ARHGEF3: variants seen among roughly 807,000 people sequenced by gnomAD.
The protein encoded by ARHGEF3 is Rho guanine nucleotide exchange factor 3.
In ARHGEF3, 28 loss-of-function variants were observed where a neutral mutation model predicts 63.2. That is an observed-to-expected ratio of 0.44 (90% CI 0.33 to 0.61). ARHGEF3 has a LOEUF of 0.61. ARHGEF3 is among the 20% of genes least tolerant of loss of function. The pLI is 0.03. For synonymous variants in ARHGEF3, 266 were observed against 254.2 expected (o/e 1.05, Z -0.44); for missense variants, 533 against 659.3 (o/e 0.81, Z 2.10).
At chr3:56,877,652 C>T (rs894246838) in intron 4 of ARHGEF3, among the ~76,000 whole-genome samples, 38 of 152,052 alleles carry the variant, frequency 2.5e-4, no homozygotes, top group African/African-American at 7.5e-4. Flanking sequence ...GGATTATAGG[C>T]CCACTATGCC....
intron 2 of ARHGEF3, among the ~76,000 whole-genome samples, chr3:57,016,916 AGTCACTGT>A (rs961671548): frequency 6.6e-6 from 1 of 151,990 alleles, no homozygotes; most frequent in African/African-American, 2.4e-5. Flanking sequence ...AAGACAAGGA[AGTCACTGT>A]GTCACTGTCT....
chr3:57,042,669 TATATATATATATATA>T (rs1704243482), intron 1 of ARHGEF3, among the ~76,000 whole-genome samples: 4 of 14,282 alleles, frequency 2.8e-4, no homozygotes, highest in African/African-American at 1.1e-3. Flanking sequence ...TATATATATA[TATATATATATATATA>T]TATATATATA....
chr3:56,932,247 AAATT>A (rs1162259034), intron 3 of ARHGEF3, among the ~76,000 whole-genome samples: 3 of 152,208 alleles, frequency 2.0e-5, no homozygotes, highest in African/African-American at 7.2e-5. Context: ...CTCAAATATA[AAATT>A]AATACATGCA....
At chr3:56,848,745 C>A (rs2039573427) in intron 4 of ARHGEF3, among the ~76,000 whole-genome samples, 1 of 152,254 alleles carries the variant, frequency 6.6e-6, no homozygotes, top group East Asian at 1.9e-4. Context: ...CGGCTCACTG[C>A]AGCCTCTGCT....
chr3:56,996,221 C>T (rs560917015), intron 2 of ARHGEF3, among the ~76,000 whole-genome samples: 101 of 152,210 alleles, frequency 6.6e-4, no homozygotes, highest in Non-Finnish European at 1.2e-3. Context: ...TGCTGAGCCA[C>T]CCTCCCTCAT....
chr3:56,818,738 C>T (rs539034333), intron 4 of ARHGEF3, among the ~76,000 whole-genome samples: 3 of 152,240 alleles, frequency 2.0e-5, no homozygotes, highest in Non-Finnish European at 2.9e-5. Flanking sequence ...TGCCATCCTA[C>T]GCGCTTGGAA....
intron 3 of ARHGEF3, among the ~76,000 whole-genome samples, chr3:56,937,806 G>A (rs1446436106): frequency 6.6e-6 from 1 of 152,186 alleles, no homozygotes; most frequent in African/African-American, 2.4e-5. Context: ...CATCTAACTT[G>A]TGCTGAGTCA....
chr3:56,782,064 C>T lies in ARHGEF3; in HGVS notation c.97-8248G>A, dbSNP rs929327788. 3.9e-5 allele frequency among the ~76,000 whole-genome samples: 6 copies of T among 152,258 alleles called. 2 individuals are homozygous for T. Among genetic ancestry groups the T allele is most frequent in the Admixed American group, 6.5e-5 (1 of 15,300 alleles). On this transcript the variant is annotated intron_variant, in intron 1 of 9. Coordinates refer to ENST00000296315, the MANE Select transcript of ARHGEF3 (RefSeq NM_019555.3). ...CTGTGGGTACAGAAAGGGGAGCTGCCTTGGAGCTTGCAAATGACTCTTCAT... is the reference window on the plus strand; with the variant it reads ...CTGTGGGTACAGAAAGGGGAGCTGCTTTGGAGCTTGCAAATGACTCTTCAT...
At chr3:57,072,444 A>T (rs960630036) in intron 1 of ARHGEF3, among the ~76,000 whole-genome samples, 68 of 51,220 alleles carry the variant, frequency 1.3e-3, no homozygotes, top group Non-Finnish European at 3.8e-3. Context: ...ATAAAGAATT[A>T]AAAAAAAAAA....
Position 56,859,700 on chromosome 3 carries a change from T to C in ARHGEF3, c.192+22592A>G, listed in dbSNP as rs1317192382. On this transcript the variant is annotated intron_variant, in intron 4 of 12. Coordinates refer to the ARHGEF3 transcript ENST00000338458. ...GGCACAAACCACCACACCAGGCTAA[T>C]TTTTTTTTTTTTTTTTAAGTTAGAG... Among the ~76,000 whole-genome samples the C allele has an allele frequency of 0.015, 7 of 478 alleles. No homozygotes were observed. In the Non-Finnish European group the frequency reaches 0.21, roughly 14 times the overall value. 0.3% of individuals were successfully genotyped at this position (478 alleles called of 152,430 possible).
At position 57,035,120 on chromosome 3, in the gene ARHGEF3, G is replaced by T. The variant is rs1703897346; in HGVS notation, c.30C>A (p.Cys10Ter). 3 of 1,548,216 alleles carry T rather than the reference G, an allele frequency of 1.9e-6. No individual in the cohort carries two copies. The African/African-American group carries it at 4.1e-5, about 21-fold the overall frequency. Residue 10 changes from cysteine (C) to a stop codon, truncating the protein, a stop_gained, in exon 2 of 13, where the codon TGC (cysteine) becomes TGA (stop). Transcript: ENST00000338458. LOFTEE classifies it high-confidence loss of function. The stretch of plus-strand genomic sequence containing the variant: ...TGTTTTCTTCCATTCCTCTACAGCT[G>T]CATTGATTCATTGCTGTGGAACTGT...
chr3:56,933,609 A>T (rs932158620), intron 3 of ARHGEF3, among the ~76,000 whole-genome samples: 6 of 152,062 alleles, frequency 3.9e-5, no homozygotes, highest in African/African-American at 1.4e-4. Context: ...TTGTAGAGAC[A>T]GGATTTCACG....
intron 4 of ARHGEF3, among the ~76,000 whole-genome samples, chr3:56,815,060 C>T (rs1181838610): frequency 6.6e-6 from 1 of 151,860 alleles, no homozygotes; most frequent in Non-Finnish European, 1.5e-5. Context: ...AGGGTGATTG[C>T]TTGAGCCTAA....
intron 1 of ARHGEF3, among the ~76,000 whole-genome samples, chr3:57,057,875 T>A (rs1705012648): frequency 6.6e-6 from 1 of 152,210 alleles, no homozygotes; most frequent in Admixed American, 6.5e-5. Context: ...TTGCTCTCAC[T>A]GATTTTACTG....
At chr3:56,969,727 T>G (rs1238803388) in intron 2 of ARHGEF3, among the ~76,000 whole-genome samples, 1 of 140,492 alleles carries the variant, frequency 7.1e-6, no homozygotes, top group African/African-American at 2.6e-5. Context: ...CACTCCAGCC[T>G]CGGTGACAGA....
At chr3:56,986,614 C>T (rs1006668676) in intron 2 of ARHGEF3, among the ~76,000 whole-genome samples, 9 of 151,952 alleles carry the variant, frequency 5.9e-5, no homozygotes, top group East Asian at 5.8e-4. Flanking sequence ...CAGGAGGAGG[C>T]GGAGCCAGGA....
At chr3:56,733,235 G>T (rs2033319966) in intron 8 of ARHGEF3, among the ~76,000 whole-genome samples, 1 of 147,778 alleles carries the variant, frequency 6.8e-6, no homozygotes, top group Non-Finnish European at 1.5e-5. Flanking sequence ...GTGAGCTGAG[G>T]TCGTGCCACT....
At chr3:56,801,662 C>CAG in intron 1 of ARHGEF3, 41 bp downstream of exon 1, 1 of 1,546,214 alleles carries the variant, frequency 6.5e-7, no homozygotes. Flanking sequence ...ACGAGACAGG[C>CAG]AGATGACCCA....
chr3:57,001,623 T>C (rs1390423421), intron 2 of ARHGEF3, among the ~76,000 whole-genome samples: 1 of 152,236 alleles, frequency 6.6e-6, no homozygotes, highest in Non-Finnish European at 1.5e-5. Context: ...TTTGTTTTCC[T>C]GATACAGTGC....
Sources: gnomAD v4.1 joint callset for allele counts (sites outside exome capture counted in the v4.1 genomes callset) on GRCh38, gnomAD v4.1.1 for gene constraint, MANE v1.5 for transcripts, NCBI Gene and HGNC (gene_info 2026-07-23, HGNC 2026-07-21) for gene names.